The following TUSC3 variants were observed in gnomAD, a reference collection of about 807,000 sequenced individuals.
The protein encoded by TUSC3 is tumor suppressor candidate 3, also known as dolichyl-diphosphooligosaccharide--protein glycosyltransferase subunit TUSC3.
Under a neutral mutation model 44.8 loss-of-function variants are expected in TUSC3, and 45 were observed. The observed-to-expected ratio is 1.00, with a 90% confidence interval of 0.79 to 1.29. TUSC3 has a LOEUF of 1.29. Among genes scored for constraint, TUSC3 ranks in the 50% most tolerant of loss-of-function variants. The pLI, the probability that TUSC3 is intolerant of heterozygous loss-of-function variation, is 0.00. For synonymous variants in TUSC3, 212 were observed against 152.9 expected (o/e 1.39, Z -2.85); for missense variants, 519 against 437.9 (o/e 1.19, Z -1.65).
chr8:15,817,992 C>T, the TUSC3 span, among the ~76,000 whole-genome samples: 1 of 152,070 alleles, frequency 6.6e-6, no homozygotes, highest in East Asian at 1.9e-4. Flanking sequence ...AAGGAGGAAG[C>T]TGGAGAGACT....
At chr8:15,480,032 A>T (rs1334019476) in intron 1 of TUSC3, among the ~76,000 whole-genome samples, 1 of 152,174 alleles carries the variant, frequency 6.6e-6, no homozygotes, top group Non-Finnish European at 1.5e-5. Flanking sequence ...CCAAATCATG[A>T]ATGAATGCCC....
At chr8:15,571,234 G>A (rs1424923409) in intron 1 of TUSC3, among the ~76,000 whole-genome samples, 1 of 151,794 alleles carries the variant, frequency 6.6e-6, no homozygotes, top group Non-Finnish European at 1.5e-5. Flanking sequence ...GATTACAGGC[G>A]TGAGCCGCTG....
chr8:15,444,180 GAC>G (rs1012218726), intron 1 of TUSC3, among the ~76,000 whole-genome samples: 1 of 152,178 alleles, frequency 6.6e-6, no homozygotes, highest in African/African-American at 2.4e-5. Flanking sequence ...TGCAGTATAT[GAC>G]ACACTGCATC....
intron 6 of TUSC3, among the ~76,000 whole-genome samples, chr8:15,692,278 T>C (rs1208655353): frequency 6.6e-6 from 1 of 151,412 alleles, no homozygotes; most frequent in Non-Finnish European, 1.5e-5. Flanking sequence ...ATTGGCCTAC[T>C]GTTTTCTTGT....
At chr8:15,779,194 T>C in the TUSC3 span, among the ~76,000 whole-genome samples, 1 of 150,904 alleles carries the variant, frequency 6.6e-6, no homozygotes, top group Non-Finnish European at 1.5e-5. Context: ...GCCAGTAGTA[T>C]CGGGGAAACC....
chr8:15,506,550 A>G (rs1005292960), intron 2 of TUSC3, among the ~76,000 whole-genome samples: 1 of 152,228 alleles, frequency 6.6e-6, no homozygotes, highest in African/African-American at 2.4e-5. Context: ...TCACAGTTCC[A>G]CATGGCTGGG....
At chr8:15,723,071 C>G (rs187411897) in intron 6 of TUSC3, among the ~76,000 whole-genome samples, 78 of 152,216 alleles carry the variant, frequency 5.1e-4, no homozygotes, top group Admixed American at 4.2e-3. Flanking sequence ...ACAAATATCT[C>G]TGGTCAGTTT....
At chr8:15,791,603 T>C in the TUSC3 span, among the ~76,000 whole-genome samples, 1 of 152,080 alleles carries the variant, frequency 6.6e-6, no homozygotes, top group African/African-American at 2.4e-5. Context: ...TTAGGCCTGA[T>C]TTTCTCCCGG....
At chr8:15,469,258 C>A (rs1182240068) in intron 1 of TUSC3, among the ~76,000 whole-genome samples, 4 of 152,120 alleles carry the variant, frequency 2.6e-5, no homozygotes, top group Admixed American at 6.6e-5. Context: ...TTGCAAAAGA[C>A]ACATCTGATA....
the TUSC3 span, among the ~76,000 whole-genome samples, chr8:15,818,916 C>T: frequency 6.6e-6 from 1 of 152,096 alleles, no homozygotes; most frequent in Non-Finnish European, 1.5e-5. Flanking sequence ...TAAGACAAGT[C>T]AATATTGACA....
chr8:15,746,190 A>T (rs566417087), intron 8 of TUSC3, among the ~76,000 whole-genome samples: 1 of 151,990 alleles, frequency 6.6e-6, no homozygotes, highest in Non-Finnish European at 1.5e-5. Context: ...ATTTGTAGTA[A>T]ATTTTTAAAT....
chr8:15,682,991 C>T (rs1221230635), intron 6 of TUSC3, among the ~76,000 whole-genome samples: 1 of 152,046 alleles, frequency 6.6e-6, no homozygotes. Flanking sequence ...TCTCTTCTGG[C>T]TTGTATGTTT....
At chr8:15,726,907 A>G (rs2129206613) in intron 6 of TUSC3, among the ~76,000 whole-genome samples, 1 of 152,314 alleles carries the variant, frequency 6.6e-6, no homozygotes, top group South Asian at 2.1e-4. Flanking sequence ...GGAAGAATTG[A>G]TCGGTATCCA....
At chr8:15,715,297 A>G (rs1050507795) in intron 6 of TUSC3, among the ~76,000 whole-genome samples, 3 of 152,146 alleles carry the variant, frequency 2.0e-5, no homozygotes, top group African/African-American at 7.2e-5. Flanking sequence ...GTGAAATAGA[A>G]CAATTATAAC....
At chr8:15,461,812 T>G (rs1800349378) in intron 1 of TUSC3, among the ~76,000 whole-genome samples, 2 of 151,190 alleles carry the variant, frequency 1.3e-5, no homozygotes, top group Non-Finnish European at 3.0e-5. Flanking sequence ...ATAGCAAAAA[T>G]AAAAGATTTG....
chr8:15,591,214 A>G (rs1212308680), intron 1 of TUSC3, among the ~76,000 whole-genome samples: 1 of 152,108 alleles, frequency 6.6e-6, no homozygotes, highest in Non-Finnish European at 1.5e-5. Context: ...CAGCTTAATC[A>G]TTTGGGGTTT....
At chr8:15,753,098 G>C (rs1051896175) in intron 9 of TUSC3, among the ~76,000 whole-genome samples, 21 of 151,866 alleles carry the variant, frequency 1.4e-4, no homozygotes, top group African/African-American at 5.1e-4. Context: ...ACATAGATGT[G>C]ATTCCCTTTT....
intron 1 of TUSC3, among the ~76,000 whole-genome samples, chr8:15,541,093 G>T (rs756167407): frequency 1.3e-5 from 2 of 152,184 alleles, no homozygotes; most frequent in African/African-American, 4.8e-5. Flanking sequence ...TTTTGTGCAA[G>T]TACAACAGAA....
intron 7 of TUSC3, among the ~76,000 whole-genome samples, chr8:15,743,026 C>G (rs1203603665): frequency 1.3e-5 from 2 of 152,178 alleles, no homozygotes; most frequent in African/African-American, 4.8e-5. Context: ...TTATAATATG[C>G]TTGTCTGCTT....
Sources: allele counts gnomAD v4.1 joint callset (sites outside exome capture counted in the v4.1 genomes callset), GRCh38; gene constraint gnomAD v4.1.1; transcripts MANE v1.5; gene names NCBI Gene and HGNC (gene_info 2026-07-23, HGNC 2026-07-21).